Variants in CLTCL1 observed in about 807,000 individuals in gnomAD.
The protein encoded by CLTCL1 is clathrin heavy chain 2.
Under a neutral mutation model 190.0 loss-of-function variants are expected in CLTCL1, and 159 were observed. The observed-to-expected ratio is 0.84, with a 90% CI of 0.74 to 0.95. The LOEUF is 0.95. Ranked by LOEUF, CLTCL1 falls within the 40% of genes least tolerant of loss-of-function variation. The pLI is 0.00. For missense variants in CLTCL1, 1,878 were observed against 2,033.4 expected (o/e 0.92, Z 1.47); for synonymous variants, 752 against 769.6 (o/e 0.98, Z 0.38).
At chr22:19,225,918 T>A (rs552741880) in intron 12 of CLTCL1, among the ~76,000 whole-genome samples, 6 of 152,232 alleles carry the variant, frequency 3.9e-5, no homozygotes, top group Non-Finnish European at 7.3e-5. Flanking sequence ...TTGCTAATGG[T>A]TTCAGACAGT....
chr22:19,230,400 G>A (rs782428661), intron 10 of CLTCL1, among the ~76,000 whole-genome samples: 18 of 152,016 alleles, frequency 1.2e-4, no homozygotes, highest in South Asian at 2.1e-4. Context: ...CACTGCGCCC[G>A]GCCCCTTTCC....
At chr22:19,267,914 A>C (rs576056828) in intron 2 of CLTCL1, among the ~76,000 whole-genome samples, 1 of 152,250 alleles carries the variant, frequency 6.6e-6, no homozygotes, top group African/African-American at 2.4e-5. Flanking sequence ...AAAAAATTAA[A>C]ACTACAAAAC....
In CLTCL1 at chr22:19,235,749, T is replaced by C. The variant is rs1555961721; in HGVS notation, c.916A>G (p.Thr306Ala). ...NRISADTIFV[T>A]APHKPTSGII... is the part of the protein sequence containing the mutation. ...CCAGAGGTTGGTTTGTGTGGAGCAG[T>C]GACAAATATTGTGTCAGCACTAATA... Residue 306 changes from threonine to alanine, a missense_variant, in exon 6 of 33, where the codon ACT becomes GCT. Thr to Ala is a moderately conservative substitution (Grantham distance 58). Transcript: ENST00000427926. The C allele has an allele frequency of 1.2e-6, 2 of 1,614,028 alleles. No individual in the cohort carries two copies. The highest frequency in any genetic ancestry group is 1.7e-6 in the Non-Finnish European group (2 of 1,179,896).
intron 29 of CLTCL1, chr22:19,184,770 AG>A: frequency 5.9e-6 from 2 of 339,306 alleles, no homozygotes; most frequent in South Asian, 4.4e-5. Context: ...CAGTAGAAGC[AG>A]CCCCCAGGAA....
chr22:19,239,313 G>GA lies in CLTCL1; in HGVS notation c.756dup (p.Pro253SerfsTer7). 6.2e-7 allele frequency: 1 copy of GA among 1,613,918 alleles called. No homozygotes were observed. Among genetic ancestry groups the GA allele is most frequent in the Non-Finnish European group, 8.5e-7 (1 of 1,179,854 alleles). On this transcript the variant is annotated frameshift_variant, in exon 5 of 33. Transcript: ENST00000427926. LOFTEE classifies it high-confidence loss of function. ...GGAAAATCATTCTGTGCCTCTGGAG[G>GA]AAAAAACACATCTACTGCTTTCTTT...
At chr22:19,259,414 CA>C (rs200808356) in intron 2 of CLTCL1, among the ~76,000 whole-genome samples, 9,401 of 151,740 alleles carry the variant, frequency 0.062, 350 homozygotes, top group Middle Eastern at 0.16. Context: ...ACAACAACAA[CA>C]AAAAAAATCA....
At chr22:19,279,514 G>A (rs1294551881) in intron 1 of CLTCL1, among the ~76,000 whole-genome samples, 2 of 152,156 alleles carry the variant, frequency 1.3e-5, no homozygotes, top group Admixed American at 6.6e-5. Flanking sequence ...CATCAGATTT[G>A]TGAGCCCTTT....
chr22:19,264,466 G>A (rs1309936825), intron 2 of CLTCL1, among the ~76,000 whole-genome samples: 1 of 151,980 alleles, frequency 6.6e-6, no homozygotes, highest in Non-Finnish European at 1.5e-5. Flanking sequence ...TTAAAAACAG[G>A]TTCCCCAAAA....
chr22:19,245,447 T>C (rs1230395048), intron 3 of CLTCL1, among the ~76,000 whole-genome samples: 2 of 152,082 alleles, frequency 1.3e-5, no homozygotes, highest in East Asian at 3.9e-4. Context: ...CCACCTTGGC[T>C]TCCCAAAGTG....
At chr22:19,228,483 A>G (rs1324706694) in intron 11 of CLTCL1, among the ~76,000 whole-genome samples, 10 of 152,194 alleles carry the variant, frequency 6.6e-5, no homozygotes, top group African/African-American at 2.2e-4. Flanking sequence ...AAACGGTTAC[A>G]TACACTCACA....
intron 1 of CLTCL1, among the ~76,000 whole-genome samples, chr22:19,290,535 C>T (rs2088072643): frequency 6.6e-6 from 1 of 152,138 alleles, no homozygotes; most frequent in Non-Finnish European, 1.5e-5. Context: ...AGGGCACTCC[C>T]ACCTCCATAC....
intron 22 of CLTCL1, among the ~76,000 whole-genome samples, chr22:19,207,178 G>A (rs1178727866): frequency 6.6e-6 from 1 of 151,892 alleles, no homozygotes; most frequent in Non-Finnish European, 1.5e-5. Context: ...CACCAGGCCT[G>A]GATAATTTTG....
intron 11 of CLTCL1, among the ~76,000 whole-genome samples, chr22:19,227,797 C>T (rs769841283): frequency 1.3e-5 from 2 of 152,178 alleles, no homozygotes; most frequent in Non-Finnish European, 2.9e-5. Context: ...GGGGTTTGGC[C>T]GTGTTGTCCA....
chr22:19,243,918 C>T (rs782817558), intron 3 of CLTCL1, among the ~76,000 whole-genome samples: 1 of 151,852 alleles, frequency 6.6e-6, no homozygotes, highest in Non-Finnish European at 1.5e-5. Context: ...AGGATGGTCT[C>T]GATATCCTGA....
chr22:19,216,179 G>A lies in CLTCL1; in HGVS notation c.2997C>T (p.Asp999=). The A allele has an allele frequency of 6.2e-7, 1 of 1,613,978 alleles. No homozygotes were observed. Among genetic ancestry groups the A allele is most frequent in the Non-Finnish European group, 8.5e-7 (1 of 1,179,858 alleles). ...SVTVKAFMTA[D]LPNELIELLE... ...GCAGTTCAATCAGTTCATTAGGCAG[G>A]TCGGCTGTCATAAAGGCTTTGACAG... The change falls in exon 19 of 33, where the codon GAC becomes GAT. Residue 999 remains aspartate (D), a synonymous_variant. Transcript: ENST00000427926.
At chr22:19,229,702 G>T in intron 11 of CLTCL1, 136 bp downstream of exon 11, 1 of 743,534 alleles carries the variant, frequency 1.3e-6, no homozygotes, top group Non-Finnish European at 1.9e-6. Context: ...AAGTCATGGA[G>T]AATGTCCACT....
intron 11 of CLTCL1, among the ~76,000 whole-genome samples, 171 bp from the exon 12 acceptor site, chr22:19,226,554 T>G (rs889238753): frequency 6.6e-6 from 1 of 152,160 alleles, no homozygotes; most frequent in Non-Finnish European, 1.5e-5. Context: ...CCCAAATCCC[T>G]GGCTGTCCTT....
chr22:19,247,877 A>G (rs1480492572), intron 3 of CLTCL1, among the ~76,000 whole-genome samples: 10 of 152,030 alleles, frequency 6.6e-5, no homozygotes, highest in African/African-American at 1.7e-4. Context: ...GGTATTTTTA[A>G]AAGCTTAATT....
chr22:19,185,039 G>C (rs1390139045), intron 29 of CLTCL1, among the ~76,000 whole-genome samples: 3 of 152,256 alleles, frequency 2.0e-5, no homozygotes, highest in Non-Finnish European at 4.4e-5. Flanking sequence ...ACAGTTTTCT[G>C]TTGCTAGCTG....
Sources: allele counts gnomAD v4.1 joint callset (sites outside exome capture counted in the v4.1 genomes callset), GRCh38; gene constraint gnomAD v4.1.1; transcripts MANE v1.5; gene names NCBI Gene and HGNC (gene_info 2026-07-23, HGNC 2026-07-21).